Variants in ADAMTS13 observed in about 807,000 individuals in gnomAD.
The protein encoded by ADAMTS13 is A disintegrin and metalloproteinase with thrombospondin motifs 13.
A neutral mutation model predicts 155.1 loss-of-function variants in ADAMTS13; 110 were observed. That is an observed-to-expected ratio of 0.71 (90% CI 0.61 to 0.83). ADAMTS13 has a LOEUF of 0.83. Among genes scored for constraint, ADAMTS13 ranks in the 40% least tolerant of loss-of-function variants. The probability of loss-of-function intolerance (pLI) is 0.00; values close to 1 mark genes in which losing one functional copy is unlikely to be tolerated. For synonymous variants in ADAMTS13, 758 were observed against 756.4 expected (o/e 1.00, Z -0.03); for missense variants, 1,707 against 1,891.7 (o/e 0.90, Z 1.81).
intron 9 of ADAMTS13, 34 bp from the exon 10 acceptor site, chr9:133,433,344 T>A: frequency 6.2e-7 from 1 of 1,611,308 alleles, no homozygotes; most frequent in Non-Finnish European, 8.5e-7. Context: ...GGGGTCACTG[T>A]GGGATGGGAG....
At chr9:133,431,313 G>A (rs1840745570) in intron 8 of ADAMTS13, among the ~76,000 whole-genome samples, 1 of 148,892 alleles carries the variant, frequency 6.7e-6, no homozygotes, top group African/African-American at 2.5e-5. Context: ...ATTTTGACCT[G>A]GAAGTTCATT....
chr9:133,428,250 A>T (rs1554785708), intron 6 of ADAMTS13, among the ~76,000 whole-genome samples: 1 of 152,224 alleles, frequency 6.6e-6, no homozygotes, highest in Non-Finnish European at 1.5e-5. Context: ...GGTGAATTTC[A>T]CGCTCAACAC....
chr9:133,445,606 G>C lies in ADAMTS13; in HGVS notation c.2611-93G>C. On this transcript the variant is annotated intron_variant, in intron 20 of 28. Transcript: ENST00000355699. This position sits in a 1 kb window ranked among gnomAD's most constrained non-coding sequence, Gnocchi z 5.0. ...CCCTGGTGCACACACGCCACTTCCT[G>C]GTCTCTCTGCTGCTGCCTGAGAAGA... 6.3e-7 allele frequency: 1 copy of C among 1,596,972 alleles called. No homozygotes were observed. The highest frequency in any genetic ancestry group is 8.6e-7 in the Non-Finnish European group (1 of 1,169,490).
At chr9:133,453,506 AC>A (rs587682630) in intron 23 of ADAMTS13, among the ~76,000 whole-genome samples, 20 of 151,728 alleles carry the variant, frequency 1.3e-4, no homozygotes, top group African/African-American at 4.8e-4. Flanking sequence ...AACAAAAATT[AC>A]AAAAATTAGC....
At position 133,456,470 on chromosome 9, in the gene ADAMTS13, G is replaced by A; in HGVS notation, c.3548-73G>A. 1 of 1,567,634 alleles carries A rather than the reference G, an allele frequency of 6.4e-7. No homozygotes were observed. Among genetic ancestry groups the A allele is most frequent in the Non-Finnish European group, 8.7e-7 (1 of 1,152,048 alleles). Reference sequence around the variant, plus strand: ...AGAGGTGGGACTTGAACTCGGCTCAGTCTACCCTGGAGCCACTCCTCTGCT... The same window carrying A: ...AGAGGTGGGACTTGAACTCGGCTCAATCTACCCTGGAGCCACTCCTCTGCT... On this transcript the variant is annotated intron_variant, in intron 26 of 28. Transcript: ENST00000355699. This position sits in a 1 kb window ranked among gnomAD's most constrained non-coding sequence, Gnocchi z 4.4.
At chr9:133,454,257 C>T (rs1281850222) in intron 23 of ADAMTS13, among the ~76,000 whole-genome samples, 158 bp from the exon 24 acceptor site, 1 of 152,190 alleles carries the variant, frequency 6.6e-6, no homozygotes, top group South Asian at 2.1e-4. Context: ...GCCCTGGCCC[C>T]AGACAGGAGG....
chr9:133,442,427 G>T lies in ADAMTS13; in HGVS notation c.1997G>T (p.Gly666Val), dbSNP rs1554791049. 1.4e-5 allele frequency: 23 copies of T among 1,613,882 alleles called. No individual in the cohort carries two copies. Among genetic ancestry groups the T allele is most frequent in the Non-Finnish European group, 1.9e-5 (23 of 1,180,026 alleles). The change falls in exon 17 of 29, where the codon GGC (glycine) becomes GTC (valine). Residue 666 changes from glycine (G) to valine (V), a missense_variant. Coordinates refer to ENST00000355699, the MANE Select transcript of ADAMTS13 (RefSeq NM_139027.6). ...QVYRRYGEEY[G>V]NLTRPDITFT... ...TACAGGCGGTATGGCGAGGAGTATG[G>T]CAACCTCACCCGCCCAGACATCACC...
At chr9:133,455,579 C>T in intron 25 of ADAMTS13, 144 bp downstream of exon 25, 2 of 1,605,152 alleles carry the variant, frequency 1.2e-6, no homozygotes, top group East Asian at 2.2e-5. Context: ...CCTGCCCGGG[C>T]CCCAGGAAAA....
Position 133,425,410 on chromosome 9 carries a change from C to T in ADAMTS13, c.331-119C>T, listed in dbSNP as rs1554784954. The stretch of plus-strand genomic sequence containing the variant: ...CCCCCCGCCCCGCCCGGTTCCCACA[C>T]ATGCTGGTGGAGTAGCCTCTCCAGC... On this transcript the variant is annotated intron_variant, in intron 3 of 28. Transcript: ENST00000355699. This position sits in a 1 kb window ranked among gnomAD's most constrained non-coding sequence, Gnocchi z 4.6. 19 of 807,756 alleles carry T rather than the reference C, an allele frequency of 2.4e-5. No homozygotes were observed. The highest frequency in any genetic ancestry group is 5.1e-5 in the African/African-American group (3 of 58,626). 50.0% of individuals were successfully genotyped at this position (807,756 alleles called of 1,614,324 possible). A position where few individuals can be genotyped will look rare whatever the true frequency, so the allele number is the denominator to read the frequency against.
chr9:133,448,501 A>G (rs1449850129), intron 21 of ADAMTS13, 98 bp from the exon 22 acceptor site: 1 of 1,535,292 alleles, frequency 6.5e-7, no homozygotes, highest in Admixed American at 1.7e-5. Context: ...ATTGAAACCC[A>G]TGCGGGCCTT....
upstream of ADAMTS13, among the ~76,000 whole-genome samples, chr9:133,420,159 C>T (rs1326689411): frequency 6.6e-6 from 1 of 152,254 alleles, no homozygotes; most frequent in African/African-American, 2.4e-5. Flanking sequence ...TCGCCTCAGC[C>T]TCCCAAAGTG....
chr9:133,451,582 C>T (rs1295237917), intron 23 of ADAMTS13, among the ~76,000 whole-genome samples: 1 of 152,130 alleles, frequency 6.6e-6, no homozygotes, highest in Non-Finnish European at 1.5e-5. Context: ...TAAATAAATC[C>T]AGTTACAGAT....
In ADAMTS13 at chr9:133,445,029, T is replaced by A. The variant is rs782029094; in HGVS notation, c.2587T>A (p.Ser863Thr). The A allele has an allele frequency of 9.3e-6, 15 of 1,613,210 alleles. No individual in the cohort carries two copies. Residue 863 changes from serine (S) to threonine (T), a missense_variant, in exon 20 of 29, where the codon TCA (serine) becomes ACA (threonine). This residue lies in a region of ADAMTS13 where 961 missense variants were observed against 1,107.9 expected (regional missense o/e 0.87). Transcript: ENST00000355699. This position sits in a 1 kb window ranked among gnomAD's most constrained non-coding sequence, Gnocchi z 5.0. ...LPAPEPCVGMSCPPGWGHLDA... is the reference protein window; with the variant it reads ...LPAPEPCVGMTCPPGWGHLDA... ...TGCCCCTGAGCCCTGTGTCGGGATG[T>A]CATGTCCTCCAGGCTGGGGCCATGT...
chr9:133,439,571 C>T (rs1554790113), intron 15 of ADAMTS13, 125 bp downstream of exon 15: 5 of 835,998 alleles, frequency 6.0e-6, no homozygotes, highest in East Asian at 2.5e-5. Flanking sequence ...CACCCTCAGG[C>T]TTGATAGTTG....
At chr9:133,443,860 T>TG (rs1294615986) in intron 19 of ADAMTS13, among the ~76,000 whole-genome samples, 1 of 151,840 alleles carries the variant, frequency 6.6e-6, no homozygotes, top group African/African-American at 2.4e-5. Flanking sequence ...CTGAACGGAG[T>TG]GGGAGATGTC....
chr9:133,418,465 G>A (rs1424030919), upstream of ADAMTS13, among the ~76,000 whole-genome samples: 1 of 152,198 alleles, frequency 6.6e-6, no homozygotes, highest in Non-Finnish European at 1.5e-5. Context: ...AGTTCACTCT[G>A]TAGCAGGACG....
chr9:133,439,578 G>GT, intron 15 of ADAMTS13, 132 bp downstream of exon 15: 1 of 801,556 alleles, frequency 1.2e-6, no homozygotes, highest in Non-Finnish European at 2.2e-6. Context: ...AGGCTTGATA[G>GT]TTGACTAGGA....
intron 16 of ADAMTS13, 125 bp from the exon 17 acceptor site, chr9:133,442,274 G>A: frequency 6.7e-7 from 1 of 1,486,126 alleles, no homozygotes; most frequent in South Asian, 1.1e-5. Flanking sequence ...CCTGGCCAGT[G>A]ATTGCTTGCT....
intron 23 of ADAMTS13, among the ~76,000 whole-genome samples, chr9:133,450,210 A>T (rs1588198981): frequency 6.6e-6 from 1 of 151,864 alleles, no homozygotes; most frequent in South Asian, 2.1e-4. Context: ...AAGCGGGTGG[A>T]TTACCTGAGG....
Sources: gnomAD v4.1 joint callset for allele counts (sites outside exome capture counted in the v4.1 genomes callset) on GRCh38, gnomAD v4.1.1 for gene constraint, gnomAD v4.1.1 regional missense constraint, Gnocchi (gnomAD v3.1) non-coding constraint, MANE v1.5 for transcripts, NCBI Gene and HGNC (gene_info 2026-07-23, HGNC 2026-07-21) for gene names.